Variants in IMMP2L observed in about 807,000 individuals in gnomAD.
IMMP2L encodes the protein mitochondrial inner membrane protease subunit 2.
Under a neutral mutation model 19.3 loss-of-function variants are expected in IMMP2L, and 18 were observed. The ratio of observed to expected loss-of-function variants is 0.93; its 90% CI spans 0.64 to 1.38. The LOEUF is 1.38. IMMP2L is among the 40% of genes most tolerant of loss of function. The pLI, the probability that IMMP2L is intolerant of heterozygous loss-of-function variation, is 0.00. For synonymous variants in IMMP2L, 76 were observed against 73.0 expected, an observed-to-expected ratio of 1.04 and a Z score of -0.21; for missense variants, 233 against 218.2, an observed-to-expected ratio of 1.07 and a Z score of -0.43.
chr7:110,807,195 T>C (rs1801690648), intron 5 of IMMP2L, among the ~76,000 whole-genome samples: 1 of 152,016 alleles, frequency 6.6e-6, no homozygotes, highest in Non-Finnish European at 1.5e-5. Flanking sequence ...TTCTCCTCTA[T>C]GCGAAGCTTT....
At chr7:111,480,427 T>C (rs572920269) in intron 3 of IMMP2L, among the ~76,000 whole-genome samples, 2 of 151,930 alleles carry the variant, frequency 1.3e-5, no homozygotes, top group South Asian at 4.2e-4. Context: ...TAAAAATCAG[T>C]TTAATCTATA....
intron 4 of IMMP2L, among the ~76,000 whole-genome samples, chr7:110,917,274 T>C (rs890146410): frequency 6.6e-6 from 1 of 152,164 alleles, no homozygotes; most frequent in Non-Finnish European, 1.5e-5. Flanking sequence ...CCTCTAGAAC[T>C]GTGAGAGAAT....
At chr7:110,810,260 C>T (rs1452720037) in intron 5 of IMMP2L, among the ~76,000 whole-genome samples, 1 of 152,092 alleles carries the variant, frequency 6.6e-6, no homozygotes, top group African/African-American at 2.4e-5. Flanking sequence ...AGAGAATTCA[C>T]ATATGGCTGC....
chr7:111,101,992 T>A (rs1798028212), intron 3 of IMMP2L, among the ~76,000 whole-genome samples: 2 of 151,406 alleles, frequency 1.3e-5, no homozygotes, highest in Admixed American at 1.3e-4. Context: ...ATACACTATA[T>A]CTCACTCCAT....
At chr7:111,143,313 C>T (rs749553025) in intron 3 of IMMP2L, among the ~76,000 whole-genome samples, 4 of 152,080 alleles carry the variant, frequency 2.6e-5, no homozygotes, top group Non-Finnish European at 5.9e-5. Context: ...AATCCTACCC[C>T]CAACCCCCAA....
chr7:111,315,192 A>C (rs984012093), intron 3 of IMMP2L, among the ~76,000 whole-genome samples: 1 of 152,098 alleles, frequency 6.6e-6, no homozygotes, highest in Admixed American at 6.6e-5. Flanking sequence ...TATCCTCTTT[A>C]ATCAAAATCA....
chr7:111,308,929 C>T (rs1823190065), intron 3 of IMMP2L, among the ~76,000 whole-genome samples: 1 of 152,062 alleles, frequency 6.6e-6, no homozygotes, highest in South Asian at 2.1e-4. Flanking sequence ...GGTATTTAAA[C>T]AGCTGTGTGA....
intron 5 of IMMP2L, among the ~76,000 whole-genome samples, chr7:110,740,925 T>C (rs1796950372): frequency 6.9e-6 from 1 of 144,510 alleles, no homozygotes; most frequent in Non-Finnish European, 1.5e-5. Context: ...TACTGTATAT[T>C]AAAAAAAAAA....
chr7:110,923,913 G>A (rs1814564722), intron 4 of IMMP2L, among the ~76,000 whole-genome samples: 1 of 152,146 alleles, frequency 6.6e-6, no homozygotes, highest in African/African-American at 2.4e-5. Flanking sequence ...ATTATAGCCT[G>A]ATTGCTAGTG....
intron 3 of IMMP2L, among the ~76,000 whole-genome samples, chr7:111,430,564 T>C (rs1409049753): frequency 6.6e-6 from 1 of 151,772 alleles, no homozygotes; most frequent in African/African-American, 2.4e-5. Context: ...TATCAGACTC[T>C]CCATCCTCAA....
At chr7:110,798,789 G>C (rs1318518502) in intron 5 of IMMP2L, among the ~76,000 whole-genome samples, 2 of 151,778 alleles carry the variant, frequency 1.3e-5, no homozygotes, top group Non-Finnish European at 2.9e-5. Context: ...TCTGATTAAA[G>C]GGAAACATCT....
chr7:111,273,063 A>T (rs1405093462), intron 3 of IMMP2L, among the ~76,000 whole-genome samples: 1 of 152,094 alleles, frequency 6.6e-6, no homozygotes, highest in Non-Finnish European at 1.5e-5. Context: ...AAACCACTTG[A>T]GGTCAGGAGT....
intron 4 of IMMP2L, among the ~76,000 whole-genome samples, chr7:110,893,778 T>C (rs530441882): frequency 6.3e-4 from 96 of 152,292 alleles, no homozygotes; most frequent in Non-Finnish European, 1.2e-3. Context: ...CTTCTATAAA[T>C]GAAATGGTTG....
chr7:111,259,751 A>T (rs1311829538), intron 3 of IMMP2L, among the ~76,000 whole-genome samples: 1 of 139,334 alleles, frequency 7.2e-6, no homozygotes, highest in Non-Finnish European at 1.7e-5. Context: ...ACACAGCTTA[A>T]AACAAGCACA....
rs552529492 is a variant in IMMP2L at position 111,287,607 on chromosome 7, A to T, written c.239+199631T>A. ...AAATTGGCAATATTTTTCTCAAGGT[A>T]TTGAGTATGAAAATGGCTACGTCGG... On this transcript the variant is annotated intron_variant, in intron 3 of 5. Coordinates refer to ENST00000405709, the MANE Select transcript of IMMP2L (RefSeq NM_032549.4). Among the ~76,000 whole-genome samples, 134 of 152,204 alleles carry T rather than the reference A, an allele frequency of 8.8e-4. 1 individual carries two copies. The South Asian group carries it at 0.024, about 27-fold the overall frequency.
At chr7:111,271,212 C>T (rs950754224) in intron 3 of IMMP2L, among the ~76,000 whole-genome samples, 3 of 152,072 alleles carry the variant, frequency 2.0e-5, no homozygotes, top group African/African-American at 4.8e-5. Context: ...GACGTGTTTG[C>T]TTCCCTTTCC....
chr7:110,749,824 CA>C (rs1385629239), intron 5 of IMMP2L, among the ~76,000 whole-genome samples: 2 of 152,048 alleles, frequency 1.3e-5, no homozygotes, highest in South Asian at 2.1e-4. Context: ...TGCAGCAAAC[CA>C]CCCTGGCACA....
intron 3 of IMMP2L, among the ~76,000 whole-genome samples, chr7:111,375,357 A>T (rs909683758): frequency 6.6e-6 from 1 of 152,184 alleles, no homozygotes; most frequent in South Asian, 2.1e-4. Context: ...TGCTTAAATT[A>T]TGATGTCAAG....
chr7:110,897,623 C>A (rs1322937625), intron 4 of IMMP2L, among the ~76,000 whole-genome samples: 1 of 152,042 alleles, frequency 6.6e-6, no homozygotes, highest in South Asian at 2.1e-4. Context: ...TATGTAAGGA[C>A]ACAGGTACAA....
Sources: allele counts gnomAD v4.1 joint callset (sites outside exome capture counted in the v4.1 genomes callset), GRCh38; gene constraint gnomAD v4.1.1; transcripts MANE v1.5; gene names NCBI Gene and HGNC (gene_info 2026-07-23, HGNC 2026-07-21).